SNX4: variants seen among roughly 807,000 people sequenced by gnomAD.
SNX4 encodes the protein sorting nexin-4.
Under a neutral mutation model 70.8 loss-of-function variants are expected in SNX4, and 49 were observed. The observed-to-expected ratio is 0.69, with a 90% CI of 0.55 to 0.88. The LOEUF is 0.88. SNX4 is among the 40% of genes least tolerant of loss of function. SNX4 has a pLI of 0.00. For synonymous variants in SNX4, 206 were observed against 183.8 expected (o/e 1.12, Z -0.98); for missense variants, 528 against 544.8 (o/e 0.97, Z 0.31).
intron 5 of SNX4, among the ~76,000 whole-genome samples, chr3:125,493,641 G>A (rs1268274957): frequency 2.9e-5 from 4 of 138,696 alleles, no homozygotes; most frequent in Admixed American, 7.4e-5. Context: ...GTGACAGAGC[G>A]AGACTCCGTG....
At chr3:125,489,112 T>C (rs982282941) in intron 6 of SNX4, among the ~76,000 whole-genome samples, 3 of 152,196 alleles carry the variant, frequency 2.0e-5, no homozygotes, top group Non-Finnish European at 4.4e-5. Context: ...AGCAAAATCA[T>C]ATAAGGAAAA....
intron 8 of SNX4, among the ~76,000 whole-genome samples, chr3:125,472,831 C>T (rs1056846140): frequency 8.5e-5 from 13 of 152,052 alleles, no homozygotes; most frequent in African/African-American, 2.7e-4. Flanking sequence ...ACCTACTTCA[C>T]GGTGCCTTCT....
At chr3:125,475,580 G>A (rs1010799123) in intron 8 of SNX4, among the ~76,000 whole-genome samples, 3 of 152,314 alleles carry the variant, frequency 2.0e-5, no homozygotes, top group Non-Finnish European at 4.4e-5. Context: ...GGCCAGGCTG[G>A]TCTCAAACTC....
intron 9 of SNX4, among the ~76,000 whole-genome samples, chr3:125,467,306 G>C (rs1216364255): frequency 6.6e-6 from 1 of 151,912 alleles, no homozygotes; most frequent in Non-Finnish European, 1.5e-5. Context: ...AGAATTGCTT[G>C]AACCTGGGAG....
At chr3:125,455,195 A>C (rs1933679875) in intron 11 of SNX4, among the ~76,000 whole-genome samples, 1 of 152,210 alleles carries the variant, frequency 6.6e-6, no homozygotes, top group Non-Finnish European at 1.5e-5. Context: ...TCTGCTGCTA[A>C]AGGTGTCGGG....
intron 1 of SNX4, among the ~76,000 whole-genome samples, chr3:125,518,786 A>G (rs912850419): frequency 1.3e-5 from 2 of 151,958 alleles, no homozygotes; most frequent in Non-Finnish European, 2.9e-5. Flanking sequence ...GTGGATCACT[A>G]GAAGTCAGAA....
intron 9 of SNX4, among the ~76,000 whole-genome samples, chr3:125,466,967 C>T (rs1257573358): frequency 6.6e-6 from 1 of 151,446 alleles, no homozygotes; most frequent in Admixed American, 6.6e-5. Flanking sequence ...TCTGTAGTCC[C>T]AGCTACTTGG....
In SNX4 at chr3:125,452,779, G is replaced by A. The variant is rs529657812; in HGVS notation, c.1190+1031C>T. On this transcript the variant is annotated intron_variant, in intron 12 of 13. Transcript: ENST00000251775. ...ACTGTAGGCGCCTGCCACCGCGCTC[G>A]GCTAATTTTTTTGGTTTTTAGTAGA... Among the ~76,000 whole-genome samples, 5 of 152,018 alleles carry A rather than the reference G, an allele frequency of 3.3e-5. No individual in the cohort carries two copies. The East Asian group carries it at 5.8e-4, about 18-fold the overall frequency.
intron 5 of SNX4, among the ~76,000 whole-genome samples, chr3:125,490,941 A>G (rs909327820): frequency 3.9e-5 from 6 of 152,214 alleles, no homozygotes; most frequent in Non-Finnish European, 8.8e-5. Context: ...CTTCCGAACC[A>G]TAATTACAAA....
chr3:125,476,244 C>T (rs149079469), intron 8 of SNX4, among the ~76,000 whole-genome samples: 6,206 of 121,562 alleles, frequency 0.051, 338 homozygotes, highest in African/African-American at 0.14. Context: ...CCAGCCTGGG[C>T]GACAGAGCAA....
intron 1 of SNX4, among the ~76,000 whole-genome samples, chr3:125,508,367 A>C (rs1306578855): frequency 6.6e-6 from 1 of 151,374 alleles, no homozygotes; most frequent in Non-Finnish European, 1.5e-5. Flanking sequence ...GGAGATTGAG[A>C]CCATCCTGGC....
At chr3:125,484,346 T>C (rs1219452783) in intron 6 of SNX4, among the ~76,000 whole-genome samples, 1 of 152,164 alleles carries the variant, frequency 6.6e-6, no homozygotes, top group Non-Finnish European at 1.5e-5. Flanking sequence ...CCTCTGCCCC[T>C]TGAGTTCAAG....
chr3:125,459,222 C>A (rs987718525), intron 10 of SNX4, among the ~76,000 whole-genome samples: 2 of 152,018 alleles, frequency 1.3e-5, no homozygotes, highest in African/African-American at 4.8e-5. Context: ...AGAACACTCT[C>A]TTTCCTCCAA....
chr3:125,508,465 GC>G (rs1390573739), intron 1 of SNX4, among the ~76,000 whole-genome samples: 1 of 75,298 alleles, frequency 1.3e-5, no homozygotes, highest in Non-Finnish European at 3.3e-5. Context: ...CACTCAGGAG[GC>G]TGAGGCAGAA....
chr3:125,493,827 C>T (rs1009652583), intron 5 of SNX4, among the ~76,000 whole-genome samples: 5 of 151,506 alleles, frequency 3.3e-5, no homozygotes, highest in East Asian at 1.9e-4. Flanking sequence ...GTCAGGAGAT[C>T]GAGACCATCC....
rs1264121370 is a variant in SNX4, at chr3:125,480,671, C to A, written c.654-352G>T. 8.5e-5 allele frequency among the ~76,000 whole-genome samples: 13 copies of A among 152,178 alleles called. 1 individual carries two copies. The highest frequency in any genetic ancestry group is 7.3e-5 in the Non-Finnish European group (5 of 68,034). ...ATCATAAACTCATGGTCTCTAACCTCAATCTTAATTCTGCTCAAGTAATTT... is the reference window on the plus strand; with the variant it reads ...ATCATAAACTCATGGTCTCTAACCTAAATCTTAATTCTGCTCAAGTAATTT... On this transcript the variant is annotated intron_variant, in intron 6 of 13. Transcript: ENST00000251775.
chr3:125,492,357 T>C (rs549293285), intron 5 of SNX4, among the ~76,000 whole-genome samples: 2 of 152,202 alleles, frequency 1.3e-5, no homozygotes, highest in East Asian at 3.9e-4. Flanking sequence ...TGTAAGCTTT[T>C]TAAAGGAGGG....
Position 125,451,439 on chromosome 3 carries a change from C to CATT in SNX4, c.1191-23_1191-21dup. ...AATTCTCTGAAATAAAAGGTATAGC[C>CATT]ATTATTATTATTTAAGTTAAATAAA... is the stretch of plus-strand genomic sequence containing the variant. On this transcript the variant is annotated intron_variant, in intron 12 of 13. Coordinates refer to ENST00000251775, the MANE Select transcript of SNX4 (RefSeq NM_003794.4). The CATT allele has an allele frequency of 6.6e-7, 1 of 1,524,292 alleles. No homozygotes were observed. Among genetic ancestry groups the CATT allele is most frequent in the African/African-American group, 1.4e-5 (1 of 72,864 alleles). The allele number at this position is 1,524,292 out of a possible 1,614,324, so 94.4% of individuals were successfully genotyped here.
intron 1 of SNX4, among the ~76,000 whole-genome samples, chr3:125,509,109 G>C (rs557380588): frequency 4.2e-4 from 64 of 152,032 alleles, no homozygotes; most frequent in African/African-American, 1.5e-3. Flanking sequence ...GAGGCAGGAG[G>C]ATTACTTGAG....
Sources: allele counts gnomAD v4.1 joint callset (sites outside exome capture counted in the v4.1 genomes callset), GRCh38; gene constraint gnomAD v4.1.1; transcripts MANE v1.5; gene names NCBI Gene and HGNC (gene_info 2026-07-23, HGNC 2026-07-21).